The following CFAP69 variants were observed in gnomAD, a reference collection of about 807,000 sequenced individuals.
CFAP69 encodes the protein cilia- and flagella-associated protein 69.
Under a neutral mutation model 123.0 loss-of-function variants are expected in CFAP69, and 92 were observed. The ratio of observed to expected loss-of-function variants is 0.75; its 90% CI spans 0.63 to 0.89. The LOEUF (loss-of-function observed/expected upper bound fraction) is 0.89, where lower values mean the gene tolerates loss of function less well. CFAP69 is among the 40% of genes least tolerant of loss of function. The pLI is 0.00. For synonymous variants in CFAP69, 380 were observed against 364.3 expected, an observed-to-expected ratio of 1.04 and a Z score of -0.49; for missense variants, 1,067 against 1,096.9, an observed-to-expected ratio of 0.97 and a Z score of 0.39.
chr7:90,319,473 G>A, the CFAP69 span: 18 of 398,580 alleles, frequency 4.5e-5, no homozygotes, highest in East Asian at 6.4e-4. Context: ...CCTGAGCTAT[G>A]TTTAAGAAGA....
intron 1 of CFAP69, among the ~76,000 whole-genome samples, chr7:90,250,407 G>C (rs1468532022): frequency 6.6e-6 from 1 of 152,062 alleles, no homozygotes; most frequent in African/African-American, 2.4e-5. Context: ...ACCTTTACTT[G>C]GTAGATTTGA....
the CFAP69 span, chr7:90,318,950 T>C: frequency 6.5e-6 from 1 of 155,030 alleles, no homozygotes. Context: ...TTCATTCCAA[T>C]ATGACTCTTA....
chr7:90,318,586 T>C, the CFAP69 span: 5 of 152,264 alleles, frequency 3.3e-5, no homozygotes, highest in South Asian at 1.0e-3. Flanking sequence ...TAAAATTGGT[T>C]ACAATTTTAT....
the CFAP69 span, chr7:90,321,224 G>T: frequency 1.3e-5 from 2 of 152,258 alleles, no homozygotes; most frequent in Non-Finnish European, 2.9e-5. Flanking sequence ...GCGCTTCGGC[G>T]CTGGGAGGCT....
intron 5 of CFAP69, 116 bp downstream of exon 5, chr7:90,265,493 C>G (rs1048643785): frequency 3.1e-6 from 2 of 646,094 alleles, no homozygotes; most frequent in African/African-American, 3.6e-5. Flanking sequence ...TGTCTAGGAT[C>G]TTCTCTTGTT....
intron 4 of CFAP69, among the ~76,000 whole-genome samples, chr7:90,264,981 A>T (rs1798941018): frequency 6.6e-6 from 1 of 151,908 alleles, no homozygotes; most frequent in Non-Finnish European, 1.5e-5. Context: ...TTTAGAAGAG[A>T]CGGAATTTCA....
At chr7:90,255,628 A>T in intron 2 of CFAP69, 146 bp downstream of exon 2, 1 of 602,636 alleles carries the variant, frequency 1.7e-6, no homozygotes, top group Non-Finnish European at 2.9e-6. Context: ...ATATTCAAGG[A>T]CTATTTAAAT....
chr7:90,283,592 C>G (rs1481045220), intron 13 of CFAP69, among the ~76,000 whole-genome samples: 1 of 152,088 alleles, frequency 6.6e-6, no homozygotes, highest in Non-Finnish European at 1.5e-5. Flanking sequence ...TATACGTCAT[C>G]AATTAGACAC....
intron 19 of CFAP69, among the ~76,000 whole-genome samples, chr7:90,305,978 T>A (rs1044848059): frequency 3.4e-5 from 5 of 148,730 alleles, no homozygotes; most frequent in Non-Finnish European, 5.9e-5. Context: ...AGTCTCATCC[T>A]GTCACCTAGC....
At chr7:90,256,142 A>G (rs1407713928) in intron 2 of CFAP69, among the ~76,000 whole-genome samples, 1 of 152,204 alleles carries the variant, frequency 6.6e-6, no homozygotes, top group Non-Finnish European at 1.5e-5. Context: ...ATGCCCATCA[A>G]TGATAGACTG....
intron 20 of CFAP69, 40 bp downstream of exon 20, chr7:90,307,138 G>A (rs545864563): frequency 1.1e-5 from 16 of 1,509,944 alleles, no homozygotes; most frequent in East Asian, 2.3e-5. Context: ...ATGAAGATAG[G>A]TTGGTTAATG....
At chr7:90,293,222 C>T (rs1156752583) in intron 15 of CFAP69, among the ~76,000 whole-genome samples, 1 of 152,110 alleles carries the variant, frequency 6.6e-6, no homozygotes, top group Non-Finnish European at 1.5e-5. Flanking sequence ...ACCAAATAAG[C>T]CAAATTTTAC....
intron 5 of CFAP69, among the ~76,000 whole-genome samples, chr7:90,267,793 T>C (rs1222978115): frequency 1.3e-5 from 2 of 152,180 alleles, no homozygotes; most frequent in African/African-American, 4.8e-5. Flanking sequence ...AACCCATATC[T>C]TGTCAAAATA....
intron 12 of CFAP69, 107 bp from the exon 13 acceptor site, chr7:90,282,785 G>A: frequency 3.2e-6 from 3 of 929,480 alleles, no homozygotes; most frequent in Non-Finnish European, 4.4e-6. Flanking sequence ...AAGCAAATAT[G>A]ACAAAATTTT....
Position 90,258,175 on chromosome 7 carries a change from A to AAGTGC in CFAP69, c.246+12_246+13insAGTGC. 1.3e-6 allele frequency: 2 copies of AAGTGC among 1,514,616 alleles called. No individual in the cohort carries two copies. The highest frequency in any genetic ancestry group is 1.8e-6 in the Non-Finnish European group (2 of 1,103,588). The allele number at this position is 1,514,616 out of a possible 1,614,324, so 93.8% of individuals were successfully genotyped here. ...ATCAGAATGGACTTGTATCCTTTAC[A>AAGTGC]TATATATGTATGTTCATTTCATTTA... On this transcript the variant is annotated intron_variant, in intron 3 of 22. Transcript: ENST00000389297.
intron 3 of CFAP69, among the ~76,000 whole-genome samples, chr7:90,259,010 A>G (rs1387865129): frequency 6.6e-6 from 1 of 152,238 alleles, no homozygotes; most frequent in Non-Finnish European, 1.5e-5. Flanking sequence ...AGATGAGATC[A>G]TGTACATCCA....
rs575452172 is a variant in CFAP69, at chr7:90,310,891, T to C, written c.*653T>C. On this transcript the variant is annotated 3_prime_UTR_variant, in exon 23 of 23. Coordinates refer to ENST00000389297, the MANE Select transcript of CFAP69 (RefSeq NM_001039706.3). ...TACTATTATCAGAAGCAAGTATATATGAATATTGGGCAGCAAGATAAACAA... is the reference window on the plus strand; with the variant it reads ...TACTATTATCAGAAGCAAGTATATACGAATATTGGGCAGCAAGATAAACAA... 6.6e-6 allele frequency: 1 copy of C among 152,266 alleles called. No individual in the cohort carries two copies. Among genetic ancestry groups the C allele is most frequent in the African/African-American group, 2.4e-5 (1 of 41,558 alleles). 9.4% of individuals were successfully genotyped at this position (152,266 alleles called of 1,614,324 possible). A position where few individuals can be genotyped will look rare whatever the true frequency, so the allele number is the denominator to read the frequency against.
rs777130283 is a variant in CFAP69, at chr7:90,271,743, A to G, written c.683-38A>G. 4.4e-6 allele frequency: 7 copies of G among 1,587,874 alleles called. No individual in the cohort carries two copies. In the South Asian group the frequency reaches 8.1e-5, roughly 18 times the overall value. On this transcript the variant is annotated intron_variant, in intron 7 of 22. Transcript: ENST00000389297. ...TTTGTTTATGTCTAAAAATGTCAATATTGTAAAGCACAAATAATTTTTAAA... is the reference window on the plus strand; with the variant it reads ...TTTGTTTATGTCTAAAAATGTCAATGTTGTAAAGCACAAATAATTTTTAAA...
chr7:90,254,248 T>C (rs967935126), intron 1 of CFAP69, among the ~76,000 whole-genome samples: 2 of 152,170 alleles, frequency 1.3e-5, no homozygotes, highest in African/African-American at 2.4e-5. Flanking sequence ...AGTTTTGCAG[T>C]ATATTTTGAA....
Sources: allele counts gnomAD v4.1 joint callset (sites outside exome capture counted in the v4.1 genomes callset), GRCh38; gene constraint gnomAD v4.1.1; transcripts MANE v1.5; gene names NCBI Gene and HGNC (gene_info 2026-07-23, HGNC 2026-07-21).